The following AMZ1 variants were observed in gnomAD, a reference collection of about 807,000 sequenced individuals.
AMZ1 encodes the protein archaemetzincin-1.
AMZ1 carries 39 observed loss-of-function variants against 29.9 expected under a neutral mutation model. That is an observed-to-expected ratio of 1.30 (90% CI 1.01 to 1.70). The LOEUF (loss-of-function observed/expected upper bound fraction) is 1.70. AMZ1 is among the 40% of genes most tolerant of loss of function. The probability of loss-of-function intolerance (pLI) is 0.00; values close to 1 mark genes in which losing one functional copy is unlikely to be tolerated. For missense variants in AMZ1, 1,041 were observed against 680.6 expected (o/e 1.53, Z -5.89); for synonymous variants, 458 against 304.0 (o/e 1.51, Z -5.27).
rs55752807 is a variant in AMZ1 at position 2,691,730 on chromosome 7, C to CAA, written c.-219+3451_-219+3452dup. ...TGGGTGACAGAGCAAGGCTCCGTCT[C>CAA]AAAAAAAAAAAAAAAAAATAAGTGA... On this transcript the variant is annotated intron_variant, in intron 1 of 6. Coordinates refer to ENST00000683327, the MANE Select transcript of AMZ1 (RefSeq NM_001384743.1). Among the ~76,000 whole-genome samples the CAA allele has an allele frequency of 4.0e-4, 34 of 84,638 alleles. 1 individual carries two copies. Among genetic ancestry groups the CAA allele is most frequent in the East Asian group, 1.1e-3 (3 of 2,726 alleles). 55.5% of individuals were successfully genotyped at this position (84,638 alleles called of 152,430 possible). A position where few individuals can be genotyped will look rare whatever the true frequency, so the allele number is the denominator to read the frequency against.
Position 2,717,963 on chromosome 7 carries a change from C to T in AMZ1, c.*5085C>T, listed in dbSNP as rs889026191. On this transcript the variant is annotated 3_prime_UTR_variant, in exon 7 of 7. Coordinates refer to ENST00000683327, the MANE Select transcript of AMZ1 (RefSeq NM_001384743.1). ...CGATGAGGCAAATCCAAATAGTCACCGGAGTCGAGCAAACACGGCGGCCCC... is the reference window on the plus strand; with the variant it reads ...CGATGAGGCAAATCCAAATAGTCACTGGAGTCGAGCAAACACGGCGGCCCC... Among the ~76,000 whole-genome samples, 6 of 152,160 alleles carry T rather than the reference C, an allele frequency of 3.9e-5. No homozygotes were observed. The highest frequency in any genetic ancestry group is 7.3e-5 in the Non-Finnish European group (5 of 68,032).
intron 4 of AMZ1, among the ~76,000 whole-genome samples, chr7:2,748,555 C>T (rs1790876771): frequency 6.6e-6 from 1 of 151,984 alleles, no homozygotes; most frequent in Non-Finnish European, 1.5e-5. Context: ...ACCATAAAAA[C>T]CCTAGAAGAA....
chr7:2,737,289 G>T (rs208355), intron 4 of AMZ1, among the ~76,000 whole-genome samples: 21,439 of 61,570 alleles, frequency 0.35, 4,168 homozygotes, highest in East Asian at 0.69. Context: ...TTTTTTTTTT[G>T]TTTTTTTTTT....
intron 1 of AMZ1, among the ~76,000 whole-genome samples, chr7:2,689,844 G>A (rs567854656): frequency 6.6e-6 from 1 of 152,348 alleles, no homozygotes; most frequent in African/African-American, 2.4e-5. Flanking sequence ...GTGAGTGCCA[G>A]AGGGTGCTGC....
intron 6 of AMZ1, among the ~76,000 whole-genome samples, chr7:2,710,407 G>A (rs375721280): frequency 5.3e-4 from 80 of 152,348 alleles, no homozygotes; most frequent in Non-Finnish European, 9.6e-4. Flanking sequence ...ACCCAGCTTT[G>A]GACTACAACC....
intron 4 of AMZ1, among the ~76,000 whole-genome samples, chr7:2,755,590 G>C (rs1480029943): frequency 2.0e-5 from 3 of 152,142 alleles, no homozygotes; most frequent in East Asian, 1.9e-4. Flanking sequence ...TTTGTATATG[G>C]ATCTTGTATC....
downstream of AMZ1, among the ~76,000 whole-genome samples, chr7:2,720,674 T>TA (rs939263185): frequency 6.6e-6 from 1 of 151,886 alleles, no homozygotes; most frequent in Non-Finnish European, 1.5e-5. Flanking sequence ...ATGCTGGGAT[T>TA]ATAGGTGTGA....
At chr7:2,699,316 C>A (rs969565063) in intron 1 of AMZ1, among the ~76,000 whole-genome samples, 2 of 152,178 alleles carry the variant, frequency 1.3e-5, no homozygotes, top group Admixed American at 6.5e-5. Context: ...TTTTGCAGGG[C>A]GGCTTTGTCA....
chr7:2,709,715 C>T lies in AMZ1; in HGVS notation c.847C>T (p.Leu283Phe), dbSNP rs376024868. Residue 283 changes from leucine (L) to phenylalanine (F), a missense_variant, in exon 6 of 7, where the codon CTC becomes TTC. Physicochemically the swap from Leu to Phe is conservative, Grantham distance 22. Coordinates refer to ENST00000683327, the MANE Select transcript of AMZ1 (RefSeq NM_001384743.1). ...GCTCCGCTGCCTCATGCAGGGTGCG[C>T]TCAGCCTGGACGAGGCCCTGCGGCG... ...RWLRCLMQGA[L>F]SLDEALRRPL... The T allele has an allele frequency of 7.4e-6, 12 of 1,611,128 alleles. No homozygotes were observed. The highest frequency in any genetic ancestry group is 8.5e-7 in the Non-Finnish European group (1 of 1,179,870).
intron 4 of AMZ1, among the ~76,000 whole-genome samples, chr7:2,744,826 G>T (rs1295800503): frequency 6.6e-6 from 1 of 152,144 alleles, no homozygotes; most frequent in Non-Finnish European, 1.5e-5. Flanking sequence ...GTCCTTAAAG[G>T]ACCTGATGGA....
chr7:2,758,864 G>A (rs576698186), intron 4 of AMZ1, among the ~76,000 whole-genome samples: 1 of 152,332 alleles, frequency 6.6e-6, no homozygotes, highest in South Asian at 2.1e-4. Flanking sequence ...ATGGGTCTCT[G>A]CTGGGCGCGG....
At chr7:2,680,964 T>C (rs1786861345) in intron 1 of AMZ1, among the ~76,000 whole-genome samples, 3 of 152,190 alleles carry the variant, frequency 2.0e-5, no homozygotes, top group Admixed American at 2.0e-4. Context: ...CATCCACCAA[T>C]GGGGTACTGA....
At position 2,709,235 on chromosome 7, in the gene AMZ1, G is replaced by A. The variant is rs1284417347; in HGVS notation, c.762G>A (p.Gln254=). The change falls in exon 5 of 7, where the codon CAG becomes CAA. Residue 254 remains glutamine (Q), a synonymous_variant. Coordinates refer to ENST00000683327, the MANE Select transcript of AMZ1 (RefSeq NM_001384743.1). The part of the protein sequence containing the change: ...ALCFSALGMV[Q]CCKVTCHELC... Reference sequence around the variant, plus strand: ...GCTTCAGTGCCCTGGGGATGGTTCAGTGCTGCAAGGTGGGTGGGGGCTCTG... The same window carrying A: ...GCTTCAGTGCCCTGGGGATGGTTCAATGCTGCAAGGTGGGTGGGGGCTCTG... 1 of 1,498,640 alleles carries A rather than the reference G, an allele frequency of 6.7e-7. No individual in the cohort carries two copies. Among genetic ancestry groups the A allele is most frequent in the Admixed American group, 2.4e-5 (1 of 41,242 alleles). The allele number at this position is 1,498,640 out of a possible 1,614,324, so 92.8% of individuals were successfully genotyped here. A position where few individuals can be genotyped will look rare whatever the true frequency, so the allele number is the denominator to read the frequency against.
chr7:2,733,849 A>G (rs974871290), intron 4 of AMZ1, among the ~76,000 whole-genome samples: 18 of 152,160 alleles, frequency 1.2e-4, no homozygotes, highest in Non-Finnish European at 2.4e-4. Flanking sequence ...CCAGCAAAGG[A>G]CAGGCTAGAA....
chr7:2,737,325 G>A (rs1461695262), intron 4 of AMZ1, among the ~76,000 whole-genome samples: 1 of 118,892 alleles, frequency 8.4e-6, no homozygotes. Context: ...GTCTCGCCCT[G>A]TCGCCCCGGC....
At chr7:2,712,239 GGGTCCCCTTAGGTAAGGA>G (rs1788827595) in intron 6 of AMZ1, 73 bp from the exon 7 acceptor site, 1 of 1,370,598 alleles carries the variant, frequency 7.3e-7, no homozygotes, top group African/African-American at 1.5e-5. Context: ...GAGGACGGTG[GGGTCCCCTTAGGTAAGGA>G]GGTCTCCTGG....
At chr7:2,759,193 T>A (rs963870396) in intron 4 of AMZ1, among the ~76,000 whole-genome samples, 18 of 149,366 alleles carry the variant, frequency 1.2e-4, no homozygotes, top group South Asian at 2.1e-4. Flanking sequence ...ATAAATAAAA[T>A]AAAAATAAAA....
upstream of AMZ1, among the ~76,000 whole-genome samples, chr7:2,687,146 G>A (rs1787112109): frequency 6.6e-6 from 1 of 152,048 alleles, no homozygotes; most frequent in African/African-American, 2.4e-5. Context: ...GGCCAAGAAG[G>A]TGAAACCCCA....
chr7:2,711,527 G>C (rs1388420449), intron 6 of AMZ1, among the ~76,000 whole-genome samples: 2 of 152,212 alleles, frequency 1.3e-5, no homozygotes, highest in African/African-American at 4.8e-5. Flanking sequence ...CTAACCTTGA[G>C]AGCAGAGGTG....
Sources: gnomAD v4.1 joint callset for allele counts (sites outside exome capture counted in the v4.1 genomes callset) on GRCh38, gnomAD v4.1.1 for gene constraint, MANE v1.5 for transcripts, NCBI Gene and HGNC (gene_info 2026-07-23, HGNC 2026-07-21) for gene names.